PEAK1: variants seen among roughly 807,000 people sequenced by gnomAD.
PEAK1 encodes the protein pseudopodium enriched atypical kinase 1.
A neutral mutation model predicts 124.7 loss-of-function variants in PEAK1; 54 were observed. The ratio of observed to expected loss-of-function variants is 0.43; its 90% confidence interval spans 0.35 to 0.54. PEAK1 has a LOEUF of 0.54. PEAK1 is among the 20% of genes least tolerant of loss of function. The pLI is 0.01. For synonymous variants in PEAK1, 719 were observed against 760.0 expected (o/e 0.95, Z 0.89); for missense variants, 2,046 against 2,134.5 (o/e 0.96, Z 0.82).
chr15:77,285,995 G>A (rs1466281546), intron 3 of PEAK1, among the ~76,000 whole-genome samples: 1 of 152,106 alleles, frequency 6.6e-6, no homozygotes, highest in African/African-American at 2.4e-5. Flanking sequence ...GGCATCTAGT[G>A]CTATAAATTT....
chr15:77,294,412 T>C (rs1043679839), intron 2 of PEAK1, among the ~76,000 whole-genome samples: 4 of 152,222 alleles, frequency 2.6e-5, no homozygotes, highest in Admixed American at 6.5e-5. Flanking sequence ...TGAAATAATA[T>C]ACCATTTTAC....
chr15:77,162,174 T>C (rs1290894021), intron 7 of PEAK1, among the ~76,000 whole-genome samples: 3 of 151,796 alleles, frequency 2.0e-5, no homozygotes, highest in Non-Finnish European at 4.4e-5. Flanking sequence ...CTCTGATTAA[T>C]TTATCATTAG....
At chr15:77,388,589 AAAC>A (rs2070163794) in intron 1 of PEAK1, among the ~76,000 whole-genome samples, 1 of 152,244 alleles carries the variant, frequency 6.6e-6, no homozygotes, top group South Asian at 2.1e-4. Context: ...TCCGTGTATC[AAAC>A]AATACATGCA....
intron 8 of PEAK1, among the ~76,000 whole-genome samples, chr15:77,135,245 C>T (rs775793399): frequency 1.3e-5 from 2 of 152,154 alleles, no homozygotes; most frequent in African/African-American, 2.4e-5. Context: ...GTAGAAGGTG[C>T]TGGATGGTGC....
chr15:77,330,636 T>C (rs534014927), intron 2 of PEAK1, among the ~76,000 whole-genome samples: 1 of 152,330 alleles, frequency 6.6e-6, no homozygotes, highest in African/African-American at 2.4e-5. Context: ...CCACAAGGAA[T>C]ACTCTTACCC....
intron 6 of PEAK1, among the ~76,000 whole-genome samples, chr15:77,196,916 C>T (rs769506189): frequency 2.2e-4 from 34 of 152,118 alleles, no homozygotes; most frequent in Non-Finnish European, 4.6e-4. Flanking sequence ...ATGGTGCGAT[C>T]ATGGCTCACT....
intron 5 of PEAK1, among the ~76,000 whole-genome samples, chr15:77,254,025 G>A (rs971041497): frequency 3.3e-5 from 5 of 152,048 alleles, no homozygotes; most frequent in African/African-American, 1.2e-4. Context: ...TCACCATGTT[G>A]GCCAGGCTGG....
At chr15:77,189,556 C>T (rs1049244486) in intron 6 of PEAK1, among the ~76,000 whole-genome samples, 1 of 152,200 alleles carries the variant, frequency 6.6e-6, no homozygotes, top group Non-Finnish European at 1.5e-5. Flanking sequence ...ATGATCAGTC[C>T]AGGTGCTCAC....
intron 2 of PEAK1, among the ~76,000 whole-genome samples, chr15:77,357,286 T>G (rs1414172042): frequency 6.6e-6 from 1 of 152,218 alleles, no homozygotes; most frequent in African/African-American, 2.4e-5. Flanking sequence ...GTTTTCTTTT[T>G]TTAAATGAGA....
Position 77,114,816 on chromosome 15 carries a change from G to C in PEAK1, c.4581C>G (p.Tyr1527Ter), listed in dbSNP as rs2051211789. 6.2e-7 allele frequency: 1 copy of C among 1,613,346 alleles called. No homozygotes were observed. The highest frequency in any genetic ancestry group is 1.1e-5 in the South Asian group (1 of 91,076). Residue 1527 changes from tyrosine (Y) to a stop codon, truncating the protein, a stop_gained, in exon 10 of 10, where the codon TAC becomes TAG. Coordinates refer to ENST00000682557, the MANE Select transcript of PEAK1 (RefSeq NM_001385026.1). LOFTEE classifies it high-confidence loss of function. ...LRLENLLLVH[Y>*]QPGGTAQGFG... ...AGCCTTGGGCAGTCCCCCCAGGCTG[G>C]TAGTGGACAAGTAGCAGGTTCTCTA... is the stretch of plus-strand genomic sequence containing the variant.
chr15:77,145,246 C>T (rs955158592), intron 8 of PEAK1, among the ~76,000 whole-genome samples: 8 of 152,114 alleles, frequency 5.3e-5, no homozygotes, highest in Admixed American at 2.6e-4. Flanking sequence ...CTCAGAAGTT[C>T]GAGACCACCC....
chr15:77,223,566 G>A (rs899203984), intron 6 of PEAK1, among the ~76,000 whole-genome samples: 1 of 152,014 alleles, frequency 6.6e-6, no homozygotes, highest in Non-Finnish European at 1.5e-5. Flanking sequence ...TAGTGGAAAG[G>A]AGTTATGGAT....
intron 2 of PEAK1, chr15:77,334,761 C>G: frequency 3.0e-6 from 3 of 985,252 alleles, no homozygotes; most frequent in Non-Finnish European, 3.6e-6. Context: ...ATCTCCTGAC[C>G]TGTCTTCCTT....
At chr15:77,206,907 C>T (rs1195578632) in intron 6 of PEAK1, among the ~76,000 whole-genome samples, 1 of 151,920 alleles carries the variant, frequency 6.6e-6, no homozygotes, top group African/African-American at 2.4e-5. Context: ...GTACTGGTAC[C>T]AAAACAGAGA....
intron 6 of PEAK1, among the ~76,000 whole-genome samples, chr15:77,201,749 A>G (rs1053753336): frequency 1.3e-5 from 2 of 152,136 alleles, no homozygotes; most frequent in South Asian, 4.1e-4. Flanking sequence ...ATTTTGGTAT[A>G]TCATATGGGA....
At chr15:77,186,566 ATACATATG>A (rs2057560124) in intron 6 of PEAK1, among the ~76,000 whole-genome samples, 1 of 152,224 alleles carries the variant, frequency 6.6e-6, no homozygotes, top group Admixed American at 6.5e-5. Context: ...CGAGACACTT[ATACATATG>A]TAACAAACCT....
At chr15:77,241,186 T>A (rs1019905724) in intron 6 of PEAK1, among the ~76,000 whole-genome samples, 23 of 152,112 alleles carry the variant, frequency 1.5e-4, no homozygotes, top group African/African-American at 4.3e-4. Context: ...AAATTTTTTT[T>A]AAAAATCCAT....
intron 2 of PEAK1, among the ~76,000 whole-genome samples, chr15:77,353,564 T>G (rs1259018591): frequency 6.6e-6 from 1 of 152,168 alleles, no homozygotes; most frequent in East Asian, 1.9e-4. Context: ...TTAGCAAAAC[T>G]GTTGCCTGCA....
chr15:77,308,351 T>C (rs2064226792), intron 2 of PEAK1, among the ~76,000 whole-genome samples: 1 of 152,090 alleles, frequency 6.6e-6, no homozygotes, highest in Admixed American at 6.5e-5. Flanking sequence ...CATGCCCATG[T>C]AGGCGTTTGA....
Sources: allele counts gnomAD v4.1 joint callset (sites outside exome capture counted in the v4.1 genomes callset), GRCh38; gene constraint gnomAD v4.1.1; transcripts MANE v1.5; gene names NCBI Gene and HGNC (gene_info 2026-07-23, HGNC 2026-07-21).